The following GSTCD variants were observed in gnomAD, a reference collection of about 807,000 sequenced individuals.
GSTCD encodes the protein glutathione S-transferase C-terminal domain containing, also known as glutathione S-transferase C-terminal domain-containing protein.
Under a neutral mutation model 68.3 loss-of-function variants are expected in GSTCD, and 44 were observed. That is an observed-to-expected ratio of 0.64 (90% confidence interval 0.51 to 0.83). The LOEUF (loss-of-function observed/expected upper bound fraction) is 0.83. Ranked by LOEUF, GSTCD falls within the 40% of genes least tolerant of loss-of-function variation. The pLI is 0.00. For missense variants in GSTCD, 739 were observed against 735.9 expected, an observed-to-expected ratio of 1.00 and a Z score of -0.05; for synonymous variants, 273 against 255.2, an observed-to-expected ratio of 1.07 and a Z score of -0.67.
At chr4:105,767,547 T>G (rs543619543) in intron 5 of GSTCD, among the ~76,000 whole-genome samples, 10 of 152,276 alleles carry the variant, frequency 6.6e-5, no homozygotes, top group Non-Finnish European at 1.5e-4. Flanking sequence ...TTTCACAAAT[T>G]TATTGACAAG....
intron 5 of GSTCD, among the ~76,000 whole-genome samples, chr4:105,732,514 A>G (rs567022754): frequency 1.3e-5 from 2 of 151,914 alleles, no homozygotes; most frequent in South Asian, 2.1e-4. Context: ...GGTAATTTGT[A>G]TTTCTTGGGA....
chr4:105,800,026 A>G (rs1296050502), intron 5 of GSTCD, among the ~76,000 whole-genome samples: 1 of 152,170 alleles, frequency 6.6e-6, no homozygotes, highest in Non-Finnish European at 1.5e-5. Context: ...CTTTCACGGA[A>G]GATTATTAAA....
At chr4:105,739,047 G>A (rs979604074) in intron 5 of GSTCD, among the ~76,000 whole-genome samples, 1 of 152,142 alleles carries the variant, frequency 6.6e-6, no homozygotes, top group African/African-American at 2.4e-5. Context: ...TATCACAAAG[G>A]ATGTTGAATT....
At chr4:105,797,977 C>G in intron 5 of GSTCD, among the ~76,000 whole-genome samples, 1 of 151,982 alleles carries the variant, frequency 6.6e-6, no homozygotes, top group East Asian at 1.9e-4. Context: ...CCATGTTGGC[C>G]AGGCAGGTCA....
chr4:105,834,552 A>G lies in GSTCD; in HGVS notation c.1622A>G (p.Tyr541Cys), dbSNP rs1207354814. ...TCCTTCGTCACATGCCCTTGCTGTT[A>G]TGGTTTCATTCAGAACACCTCAAAG... Reference protein sequence around the residue: ...RASFVTCPCCYGFIQNTSKFN... With the variant: ...RASFVTCPCCCGFIQNTSKFN... The change falls in exon 9 of 12, where the codon TAT (tyrosine) becomes TGT (cysteine). Residue 541 changes from tyrosine (Y) to cysteine (C), a missense_variant. By Grantham distance (194) the Tyr-to-Cys change is radical. Transcript: ENST00000515279. 10 of 1,614,006 alleles carry G rather than the reference A, an allele frequency of 6.2e-6. No individual in the cohort carries two copies. Among genetic ancestry groups the G allele is most frequent in the Admixed American group, 1.7e-5 (1 of 60,006 alleles).
chr4:105,729,602 G>C, intron 5 of GSTCD, 103 bp downstream of exon 5: 1 of 588,712 alleles, frequency 1.7e-6, no homozygotes, highest in Non-Finnish European at 2.9e-6. Flanking sequence ...CTAATATTCT[G>C]ATTATACTAT....
intron 5 of GSTCD, among the ~76,000 whole-genome samples, chr4:105,816,252 A>T (rs1722977949): frequency 6.6e-6 from 1 of 152,144 alleles, no homozygotes; most frequent in Non-Finnish European, 1.5e-5. Flanking sequence ...TTTAGTCAGC[A>T]TCTGCAGTAC....
intron 5 of GSTCD, among the ~76,000 whole-genome samples, chr4:105,791,370 G>GCAA (rs1046245499): frequency 1.4e-5 from 2 of 147,820 alleles, no homozygotes; most frequent in Non-Finnish European, 3.0e-5. Flanking sequence ...TCCAGCCTGG[G>GCAA]CAACAGAGCG....
intron 8 of GSTCD, among the ~76,000 whole-genome samples, chr4:105,828,962 A>C (rs924145005): frequency 2.0e-5 from 3 of 152,172 alleles, no homozygotes; most frequent in African/African-American, 7.2e-5. Flanking sequence ...CCAAGTATAG[A>C]GATATCAGGC....
intron 5 of GSTCD, among the ~76,000 whole-genome samples, chr4:105,770,531 A>G (rs749625762): frequency 8.6e-5 from 13 of 151,812 alleles, no homozygotes; most frequent in Non-Finnish European, 1.9e-4. Flanking sequence ...TATTCCCCCA[A>G]ACTCTAACAG....
At chr4:105,794,839 T>TTATCTATCTATC (rs148088004) in intron 5 of GSTCD, among the ~76,000 whole-genome samples, 3 of 114,484 alleles carry the variant, frequency 2.6e-5, no homozygotes, top group African/African-American at 1.0e-4. Flanking sequence ...ATCTATCTAT[T>TTATCTATCTATC]TATCTATCTA....
rs181653554 is a variant in GSTCD, at chr4:105,709,966, T to G, written c.-22+950T>G. 5.2e-4 allele frequency among the ~76,000 whole-genome samples: 72 copies of G among 137,840 alleles called. No individual in the cohort carries two copies. In the East Asian group the frequency reaches 6.2e-3, roughly 12 times the overall value. The allele number at this position is 137,840 out of a possible 152,430, so 90.4% of individuals were successfully genotyped here. On this transcript the variant is annotated intron_variant, in intron 1 of 11. Transcript: ENST00000515279. Reference sequence around the variant, plus strand: ...TTTAATAAACATTAAGCTATGCGGGTTTTTTTTTCTTTTTTTTTAACTGCC... The same window carrying G: ...TTTAATAAACATTAAGCTATGCGGGGTTTTTTTTCTTTTTTTTTAACTGCC...
intron 5 of GSTCD, among the ~76,000 whole-genome samples, chr4:105,731,906 C>G (rs1202795717): frequency 6.6e-6 from 1 of 152,076 alleles, no homozygotes; most frequent in African/African-American, 2.4e-5. Flanking sequence ...GCATGAAGGG[C>G]TGTTGAATTT....
At chr4:105,826,998 G>T (rs959187495) in intron 8 of GSTCD, 1 of 152,030 alleles carries the variant, frequency 6.6e-6, no homozygotes, top group South Asian at 2.1e-4. Context: ...TATGCTATTC[G>T]TTTCCTTTGC....
At chr4:105,831,194 G>A (rs1723879298) in intron 8 of GSTCD, among the ~76,000 whole-genome samples, 1 of 152,288 alleles carries the variant, frequency 6.6e-6, no homozygotes, top group Non-Finnish European at 1.5e-5. Context: ...GTACACAGGT[G>A]GGACTAGCCT....
intron 5 of GSTCD, among the ~76,000 whole-genome samples, chr4:105,817,641 A>C (rs942581409): frequency 6.6e-6 from 1 of 151,832 alleles, no homozygotes; most frequent in African/African-American, 2.4e-5. Flanking sequence ...GTTTTCAACA[A>C]GGTATCACCA....
chr4:105,824,039 G>T (rs1312480496), intron 7 of GSTCD, among the ~76,000 whole-genome samples: 1 of 151,890 alleles, frequency 6.6e-6, no homozygotes, highest in Non-Finnish European at 1.5e-5. Context: ...AATTCTGTTT[G>T]TTTTTGTTTT....
intron 3 of GSTCD, among the ~76,000 whole-genome samples, chr4:105,725,978 TTTC>T (rs1733016809): frequency 6.6e-6 from 1 of 152,140 alleles, no homozygotes; most frequent in South Asian, 2.1e-4. Context: ...AAGATTTTAA[TTTC>T]TTTAAAAGTT....
chr4:105,751,140 T>A (rs1335007692), intron 5 of GSTCD, among the ~76,000 whole-genome samples: 1 of 152,192 alleles, frequency 6.6e-6, no homozygotes, highest in Non-Finnish European at 1.5e-5. Context: ...GCACTAATAA[T>A]GATTTCCTAG....
Sources: gnomAD v4.1 joint callset for allele counts (sites outside exome capture counted in the v4.1 genomes callset) on GRCh38, gnomAD v4.1.1 for gene constraint, MANE v1.5 for transcripts, NCBI Gene and HGNC (gene_info 2026-07-23, HGNC 2026-07-21) for gene names.